Variants in ITFG1 observed in about 807,000 individuals in gnomAD.
ITFG1 encodes T-cell immunomodulatory protein.
A neutral mutation model predicts 81.8 loss-of-function variants in ITFG1; 34 were observed. That is an observed-to-expected ratio of 0.42 (90% confidence interval 0.32 to 0.55). The LOEUF is 0.55. ITFG1 is among the 20% of genes least tolerant of loss of function. The pLI, the probability that ITFG1 is intolerant of heterozygous loss-of-function variation, is 0.17. For missense variants in ITFG1, 672 were observed against 755.4 expected, an observed-to-expected ratio of 0.89 and a Z score of 1.29; for synonymous variants, 285 against 270.6, an observed-to-expected ratio of 1.05 and a Z score of -0.52.
rs571844987 is a variant in ITFG1 at position 47,376,788 on chromosome 16, G to A, written c.656-848C>T. Among the ~76,000 whole-genome samples the A allele has an allele frequency of 7.2e-5, 11 of 152,110 alleles. No homozygotes were observed. In the East Asian group the frequency reaches 1.9e-3, roughly 27 times the overall value. On this transcript the variant is annotated intron_variant, in intron 6 of 17. Coordinates refer to ENST00000320640, the MANE Select transcript of ITFG1 (RefSeq NM_030790.5). ...GATCAAGACCATCCTGGCCAACATGGTGAAACCCCATCGCTACTAAAAATA... is the reference window on the plus strand; with the variant it reads ...GATCAAGACCATCCTGGCCAACATGATGAAACCCCATCGCTACTAAAAATA...
At chr16:47,447,232 CA>C (rs2151617182) in intron 5 of ITFG1, among the ~76,000 whole-genome samples, 1 of 152,120 alleles carries the variant, frequency 6.6e-6, no homozygotes, top group Admixed American at 6.5e-5. Flanking sequence ...GGTTTCTCCC[CA>C]AACAAGGAAA....
At chr16:47,283,573 G>A (rs1966858733) in intron 10 of ITFG1, among the ~76,000 whole-genome samples, 1 of 152,198 alleles carries the variant, frequency 6.6e-6, no homozygotes, top group Admixed American at 6.6e-5. Context: ...GAAGACAGAG[G>A]ATGGGGCCAT....
Position 47,311,272 on chromosome 16 carries a change from G to A in ITFG1, c.1038C>T (p.Asp346=), listed in dbSNP as rs375749230. The A allele has an allele frequency of 8.3e-5, 134 of 1,611,728 alleles. No homozygotes were observed. Among genetic ancestry groups the A allele is most frequent in the Middle Eastern group, 3.3e-4 (2 of 6,076 alleles). Residue 346 remains aspartate, a synonymous_variant, in exon 10 of 18, where the codon GAC becomes GAT. Coordinates refer to ENST00000320640, the MANE Select transcript of ITFG1 (RefSeq NM_030790.5). ...ATGTGTTCTTTAGTATGACCAGAGC[G>A]TCTGGATAGCCATCCATATTGTAGT... ...IGDYNMDGYP[D]ALVILKNTSG... is the part of the protein sequence containing the mutation.
chr16:47,416,857 A>G (rs1968881818), intron 6 of ITFG1, among the ~76,000 whole-genome samples: 1 of 152,380 alleles, frequency 6.6e-6, no homozygotes, highest in South Asian at 2.1e-4. Flanking sequence ...ACAGTGTTCT[A>G]GGAATGAATA....
intron 6 of ITFG1, among the ~76,000 whole-genome samples, chr16:47,411,593 C>G (rs774708054): frequency 3.3e-5 from 5 of 152,142 alleles, no homozygotes; most frequent in Non-Finnish European, 7.3e-5. Flanking sequence ...CCTGCTCTGA[C>G]TCTGCCAAGC....
chr16:47,375,200 G>C (rs1376356727), intron 7 of ITFG1, among the ~76,000 whole-genome samples: 1 of 152,126 alleles, frequency 6.6e-6, no homozygotes, highest in Non-Finnish European at 1.5e-5. Context: ...GTGGAAAGTG[G>C]GGTTCGATAC....
intron 10 of ITFG1, among the ~76,000 whole-genome samples, chr16:47,280,117 C>A (rs185073832): frequency 1.3e-5 from 2 of 152,222 alleles, no homozygotes; most frequent in Non-Finnish European, 1.5e-5. Flanking sequence ...CTTATTCTTG[C>A]TTTACTGCAC....
intron 14 of ITFG1, among the ~76,000 whole-genome samples, chr16:47,177,578 C>T (rs921921488): frequency 8.6e-5 from 13 of 151,922 alleles, no homozygotes; most frequent in African/African-American, 2.7e-4. Context: ...TGTTAAATGC[C>T]GCATATACAT....
At chr16:47,240,751 T>C (rs1567432822) in intron 12 of ITFG1, among the ~76,000 whole-genome samples, 2 of 152,240 alleles carry the variant, frequency 1.3e-5, no homozygotes, top group African/African-American at 4.8e-5. Flanking sequence ...TATTACAATA[T>C]GGATGAACCC....
intron 8 of ITFG1, among the ~76,000 whole-genome samples, chr16:47,327,143 C>A (rs1596898082): frequency 6.6e-6 from 1 of 152,104 alleles, no homozygotes; most frequent in African/African-American, 2.4e-5. Context: ...ATCAATGGAA[C>A]AGAACAGAGC....
At chr16:47,324,063 T>C (rs887471218) in intron 8 of ITFG1, among the ~76,000 whole-genome samples, 1 of 152,194 alleles carries the variant, frequency 6.6e-6, no homozygotes, top group South Asian at 2.1e-4. Flanking sequence ...ATAATTTTTC[T>C]ATAATGTTCG....
At chr16:47,223,612 T>C (rs1202269612) in intron 13 of ITFG1, among the ~76,000 whole-genome samples, 2 of 152,140 alleles carry the variant, frequency 1.3e-5, no homozygotes, top group Non-Finnish European at 2.9e-5. Context: ...TTTACACTGT[T>C]GGTGGGACTG....
chr16:47,242,086 T>C (rs1458608472), intron 12 of ITFG1, among the ~76,000 whole-genome samples: 64 of 152,144 alleles, frequency 4.2e-4, no homozygotes, highest in Non-Finnish European at 1.0e-4. Flanking sequence ...AGCCATTAAA[T>C]TGTATACTTC....
intron 8 of ITFG1, among the ~76,000 whole-genome samples, chr16:47,353,582 C>A (rs549832647): frequency 6.6e-6 from 1 of 152,050 alleles, no homozygotes; most frequent in African/African-American, 2.4e-5. Flanking sequence ...AAAAGATATT[C>A]AAATTGGAAA....
intron 13 of ITFG1, among the ~76,000 whole-genome samples, chr16:47,227,994 G>T (rs568775268): frequency 6.6e-6 from 1 of 152,008 alleles, no homozygotes; most frequent in African/African-American, 2.4e-5. Flanking sequence ...ATTGTTTCTT[G>T]CTCTTTAAGA....
intron 12 of ITFG1, among the ~76,000 whole-genome samples, chr16:47,253,689 A>G (rs987824085): frequency 1.3e-5 from 2 of 152,180 alleles, no homozygotes; most frequent in Admixed American, 6.5e-5. Context: ...GATCCCTCAC[A>G]TGTGCAGTTC....
chr16:47,448,369 T>G (rs1038557751), intron 5 of ITFG1: 1 of 152,144 alleles, frequency 6.6e-6, no homozygotes, highest in South Asian at 2.1e-4. Flanking sequence ...CTGACTACAT[T>G]TAAATAGAGA....
intron 10 of ITFG1, among the ~76,000 whole-genome samples, chr16:47,303,270 C>G (rs1481971810): frequency 6.9e-6 from 1 of 145,238 alleles, no homozygotes; most frequent in East Asian, 2.0e-4. Flanking sequence ...GACTCCATCT[C>G]AAAAAAAAAA....
At chr16:47,450,715 T>C (rs1382177669) in intron 5 of ITFG1, among the ~76,000 whole-genome samples, 1 of 152,198 alleles carries the variant, frequency 6.6e-6, no homozygotes, top group Non-Finnish European at 1.5e-5. Context: ...AACTAAACTT[T>C]ACCTTATCAG....
Sources: allele counts gnomAD v4.1 joint callset (sites outside exome capture counted in the v4.1 genomes callset), GRCh38; gene constraint gnomAD v4.1.1; transcripts MANE v1.5; gene names NCBI Gene and HGNC (gene_info 2026-07-23, HGNC 2026-07-21).